Variants in NFU1 observed in about 807,000 individuals in gnomAD.
The protein encoded by NFU1 is NFU1 iron-sulfur cluster scaffold homolog, mitochondrial.
Under a neutral mutation model 32.2 loss-of-function variants are expected in NFU1, and 30 were observed. That is an observed-to-expected ratio of 0.93 (90% confidence interval 0.70 to 1.26). The LOEUF (loss-of-function observed/expected upper bound fraction) is 1.26. NFU1 is among the 50% of genes most tolerant of loss of function. The pLI, the probability that NFU1 is intolerant of heterozygous loss-of-function variation, is 0.00. For missense variants in NFU1, 306 were observed against 306.6 expected (o/e 1.00, Z 0.02); for synonymous variants, 112 against 104.6 (o/e 1.07, Z -0.43).
Position 69,423,670 on chromosome 2 carries a change from A to T in NFU1, c.214T>A (p.Leu72Ile), listed in dbSNP as rs764325869. The change falls in exon 3 of 8, where the codon TTA (leucine) becomes ATA (isoleucine). Residue 72 changes from leucine (L) to isoleucine (I), a missense_variant. Physicochemically the swap from Leu to Ile is conservative, Grantham distance 5. Coordinates refer to ENST00000410022, the MANE Select transcript of NFU1 (RefSeq NM_001002755.4). ...QTQDTPNPNS[L>I]KFIPGKPVLE... Reference sequence around the variant, plus strand: ...ACTGGTTTTCCTGGTATAAACTTTAAGCTGTTTGGATTTGGGGTATCTTGT... The same window carrying T: ...ACTGGTTTTCCTGGTATAAACTTTATGCTGTTTGGATTTGGGGTATCTTGT... 6.8e-6 allele frequency: 11 copies of T among 1,610,666 alleles called. No individual in the cohort carries two copies. The highest frequency in any genetic ancestry group is 8.5e-6 in the Non-Finnish European group (10 of 1,176,970).
In NFU1 at chr2:69,423,671, G is replaced by A. The variant is rs1282050724; in HGVS notation, c.213C>T (p.Ser71=). Residue 71 remains serine, a synonymous_variant, in exon 3 of 8, where the codon AGC becomes AGT. Coordinates refer to ENST00000410022, the MANE Select transcript of NFU1 (RefSeq NM_001002755.4). ...IQTQDTPNPN[S]LKFIPGKPVL... is the part of the protein sequence containing the mutation. ...CTGGTTTTCCTGGTATAAACTTTAA[G>A]CTGTTTGGATTTGGGGTATCTTGTG... The A allele has an allele frequency of 6.2e-7, 1 of 1,610,332 alleles. No homozygotes were observed. Among genetic ancestry groups the A allele is most frequent in the East Asian group, 2.2e-5 (1 of 44,854 alleles).
At chr2:69,406,113 A>G in intron 5 of NFU1, 31 bp from the exon 6 acceptor site, 1 of 1,378,540 alleles carries the variant, frequency 7.3e-7, no homozygotes, top group South Asian at 1.2e-5. Context: ...AAACATCAAG[A>G]GTAGAAATTT....
chr2:69,437,394 C>G lies in NFU1; in HGVS notation c.29G>C (p.Gly10Ala). The change falls in exon 1 of 8, where the codon GGA becomes GCA. Residue 10 changes from glycine (G) to alanine (A), a missense_variant. Physicochemically the swap from Gly to Ala is moderately conservative, Grantham distance 60. Coordinates refer to ENST00000410022, the MANE Select transcript of NFU1 (RefSeq NM_001002755.4). Reference protein sequence around the residue: MAATARRGWGAAAVAAGLRR... With the variant: MAATARRGWAAAAVAAGLRR... ...CAGCCCGGCGGCAACAGCCGCAGCT[C>G]CCCAGCCCCGCCTGGCCGTCGCCGC... 6.2e-7 allele frequency: 1 copy of G among 1,610,280 alleles called. No individual in the cohort carries two copies. Among genetic ancestry groups the G allele is most frequent in the South Asian group, 1.1e-5 (1 of 90,980 alleles).
intron 5 of NFU1, among the ~76,000 whole-genome samples, chr2:69,408,777 C>CACACAT (rs1672786235): frequency 7.0e-6 from 1 of 142,052 alleles, no homozygotes; most frequent in Admixed American, 7.1e-5. Context: ...TATACACACA[C>CACACAT]ACATACATAC....
chr2:69,426,977 G>A (rs1224650098), intron 2 of NFU1, among the ~76,000 whole-genome samples: 1 of 151,454 alleles, frequency 6.6e-6, no homozygotes, highest in Non-Finnish European at 1.5e-5. Context: ...GCTGAGGCAG[G>A]AGAATCGATT....
At chr2:69,408,118 C>T (rs1200098891) in intron 5 of NFU1, among the ~76,000 whole-genome samples, 4 of 152,096 alleles carry the variant, frequency 2.6e-5, no homozygotes, top group Admixed American at 2.6e-4. Context: ...TTCTACTTCC[C>T]CACCATCCCT....
upstream of NFU1, among the ~76,000 whole-genome samples, chr2:69,439,446 G>A (rs1673989492): frequency 2.0e-5 from 3 of 152,180 alleles, no homozygotes; most frequent in Non-Finnish European, 1.5e-5. Context: ...GCAGACCTTT[G>A]CGATGGGTGT....
At chr2:69,419,046 G>C (rs1673151678) in intron 4 of NFU1, among the ~76,000 whole-genome samples, 1 of 152,062 alleles carries the variant, frequency 6.6e-6, no homozygotes, top group Admixed American at 6.5e-5. Flanking sequence ...TAGGCGTGGT[G>C]GCTCACGCCT....
chr2:69,432,527 T>A (rs1673673319), intron 1 of NFU1, among the ~76,000 whole-genome samples: 1 of 151,632 alleles, frequency 6.6e-6, no homozygotes, highest in Non-Finnish European at 1.5e-5. Flanking sequence ...TGAGCCAACA[T>A]CATGCCATTG....
intron 2 of NFU1, among the ~76,000 whole-genome samples, chr2:69,424,199 A>ATATATATATATG (rs1553401316): frequency 4.2e-5 from 3 of 70,762 alleles, no homozygotes; most frequent in South Asian, 5.1e-4. Flanking sequence ...AAAAAAAAAA[A>ATATATATATATG]TATATATATA....
At chr2:69,420,217 C>CTGGTCTCAACTCCTGACCTCAGG (rs1673193870) in intron 3 of NFU1, among the ~76,000 whole-genome samples, 1 of 152,122 alleles carries the variant, frequency 6.6e-6, no homozygotes, top group African/African-American at 2.4e-5. Flanking sequence ...GTTGCCCAGG[C>CTGGTCTCAACTCCTGACCTCAGG]TGGTCTCAAC....
chr2:69,423,206 T>TGG (rs1190182636), intron 3 of NFU1, among the ~76,000 whole-genome samples: 7 of 57,696 alleles, frequency 1.2e-4, no homozygotes, highest in African/African-American at 4.9e-4. Context: ...TGTGTGTGTG[T>TGG]GTGGGGGGGG....
At position 69,437,423 on chromosome 2, in the gene NFU1, C is replaced by T. The variant is rs886056267; in HGVS notation, c.-1G>A. ...AGCCCCGCCTGGCCGTCGCCGCCAT[C>T]TTAGTCCGGAGTGCCTAAGGGTCTC... On this transcript the variant is annotated 5_prime_UTR_variant, in exon 1 of 8. Coordinates refer to ENST00000410022, the MANE Select transcript of NFU1 (RefSeq NM_001002755.4). 4 of 1,610,586 alleles carry T rather than the reference C, an allele frequency of 2.5e-6. No individual in the cohort carries two copies. In the Admixed American group the frequency reaches 5.0e-5, roughly 20 times the overall value.
intron 4 of NFU1, among the ~76,000 whole-genome samples, chr2:69,415,513 G>A (rs1483759296): frequency 6.6e-6 from 1 of 151,828 alleles, no homozygotes; most frequent in East Asian, 1.9e-4. Context: ...CCAAGTAGCT[G>A]GGACTACAGG....
chr2:69,437,195 CA>C, intron 1 of NFU1, 165 bp downstream of exon 1: 1 of 1,417,322 alleles, frequency 7.1e-7, no homozygotes, highest in Non-Finnish European at 9.3e-7. Context: ...CGAGCTCCCG[CA>C]CAGACAGCCT....
chr2:69,416,343 TTTAAA>T (rs1469859539), intron 4 of NFU1: 2 of 145,016 alleles, frequency 1.4e-5, no homozygotes, highest in African/African-American at 5.2e-5. Context: ...ATTTAATTAA[TTTAAA>T]TATAATTATT....
At chr2:69,411,159 A>C (rs1672865981) in intron 5 of NFU1, 1 of 152,134 alleles carries the variant, frequency 6.6e-6, no homozygotes, top group Non-Finnish European at 1.5e-5. Flanking sequence ...AAAAAGATAA[A>C]ATTATTATAA....
chr2:69,434,687 G>C (rs375410890), intron 1 of NFU1, among the ~76,000 whole-genome samples: 60 of 152,248 alleles, frequency 3.9e-4, no homozygotes, highest in African/African-American at 1.4e-3. Context: ...TTAAGTACAG[G>C]AGTCATTTAT....
intron 7 of NFU1, chr2:69,399,441 A>T (rs1672444655): frequency 2.7e-5 from 12 of 447,646 alleles, no homozygotes; most frequent in South Asian, 1.6e-4. Context: ...AAGCTCTAGA[A>T]TTCTACTCAG....
Sources: gnomAD v4.1 joint callset for allele counts (sites outside exome capture counted in the v4.1 genomes callset) on GRCh38, gnomAD v4.1.1 for gene constraint, MANE v1.5 for transcripts, NCBI Gene and HGNC (gene_info 2026-07-23, HGNC 2026-07-21) for gene names.